The following TP63 variants were observed in gnomAD, a reference collection of about 807,000 sequenced individuals.
TP63 encodes tumor protein p63.
A neutral mutation model predicts 82.8 loss-of-function variants in TP63; 17 were observed. The observed-to-expected ratio is 0.21, with a 90% CI of 0.14 to 0.31. The LOEUF is 0.31. TP63 is among the 10% of genes least tolerant of loss of function. The pLI, the probability that TP63 is intolerant of heterozygous loss-of-function variation, is 1.00. For synonymous variants in TP63, 330 were observed against 321.7 expected (o/e 1.03, Z -0.28); for missense variants, 648 against 895.3 (o/e 0.72, Z 3.52).
chr3:189,825,744 C>T (rs1399760937), intron 4 of TP63, among the ~76,000 whole-genome samples: 1 of 152,192 alleles, frequency 6.6e-6, no homozygotes, highest in Non-Finnish European at 1.5e-5. Context: ...TTGTTTTTAA[C>T]AGCCATTGCT....
intron 1 of TP63, among the ~76,000 whole-genome samples, chr3:189,685,595 A>G (rs952935103): frequency 2.6e-5 from 4 of 152,116 alleles, no homozygotes; most frequent in South Asian, 2.1e-4. Context: ...ATATTTCCCA[A>G]ACTGGTTTGT....
chr3:189,676,978 C>G (rs1472649075), intron 1 of TP63, among the ~76,000 whole-genome samples: 1 of 151,744 alleles, frequency 6.6e-6, no homozygotes, highest in Non-Finnish European at 1.5e-5. Flanking sequence ...TCACTCTCTT[C>G]CAACCCTCCC....
chr3:189,794,116 C>T (rs959405431), intron 3 of TP63, among the ~76,000 whole-genome samples: 2 of 151,940 alleles, frequency 1.3e-5, no homozygotes, highest in Non-Finnish European at 2.9e-5. Flanking sequence ...TTTACTTATA[C>T]TTTTTGATTA....
At chr3:189,876,127 G>A (rs997519891) in intron 10 of TP63, among the ~76,000 whole-genome samples, 1 of 152,108 alleles carries the variant, frequency 6.6e-6, no homozygotes, top group African/African-American at 2.4e-5. Flanking sequence ...TCAGCATTGT[G>A]CAAGTTAATA....
At chr3:189,762,639 T>A (rs1206074863) in intron 3 of TP63, among the ~76,000 whole-genome samples, 1 of 152,234 alleles carries the variant, frequency 6.6e-6, no homozygotes, top group Non-Finnish European at 1.5e-5. Flanking sequence ...CATGTATCTT[T>A]ATAAGTAAGA....
intron 3 of TP63, among the ~76,000 whole-genome samples, chr3:189,785,462 A>G (rs1341670629): frequency 6.6e-6 from 1 of 152,076 alleles, no homozygotes; most frequent in Non-Finnish European, 1.5e-5. Flanking sequence ...ATAGAATTTT[A>G]TTACTGCTTT....
chr3:189,800,988 C>T (rs1055597599), intron 3 of TP63, among the ~76,000 whole-genome samples: 9 of 152,076 alleles, frequency 5.9e-5, no homozygotes, highest in Admixed American at 2.0e-4. Flanking sequence ...GTCATGGTAA[C>T]GAAAGCTTAT....
chr3:189,684,880 C>T (rs1028536931), intron 1 of TP63, among the ~76,000 whole-genome samples: 132 of 152,128 alleles, frequency 8.7e-4, no homozygotes, highest in African/African-American at 2.7e-3. Flanking sequence ...GATCCACCCG[C>T]CTTAGCCTCC....
intron 4 of TP63, among the ~76,000 whole-genome samples, chr3:189,822,567 T>G (rs4687097): frequency 0.22 from 33,912 of 152,168 alleles, 4,310 homozygotes; most frequent in Admixed American, 0.35. Flanking sequence ...ATGAGTAGTA[T>G]TTATCTTGTA....
chr3:189,629,391 T>C (rs1038851347), upstream of TP63, among the ~76,000 whole-genome samples: 1 of 151,870 alleles, frequency 6.6e-6, no homozygotes, highest in Non-Finnish European at 1.5e-5. Context: ...TCAAAAATAA[T>C]AAATAAATAA....
intron 3 of TP63, among the ~76,000 whole-genome samples, chr3:189,796,675 T>C (rs1421573038): frequency 6.6e-6 from 1 of 152,006 alleles, no homozygotes; most frequent in African/African-American, 2.4e-5. Context: ...TTAAAAGAAA[T>C]AAGTAGTTCA....
intron 4 of TP63, among the ~76,000 whole-genome samples, chr3:189,848,964 AC>A (rs1715289521): frequency 6.6e-6 from 1 of 151,940 alleles, no homozygotes; most frequent in African/African-American, 2.4e-5. Context: ...AGTCAGCCCC[AC>A]CCCCCAGCCT....
At chr3:189,672,165 T>C (rs1326167514) in intron 1 of TP63, among the ~76,000 whole-genome samples, 1 of 152,120 alleles carries the variant, frequency 6.6e-6, no homozygotes, top group Non-Finnish European at 1.5e-5. Flanking sequence ...CCCATAAATA[T>C]GTACAATTAT....
At chr3:189,893,864 A>G (rs1721258090) in intron 13 of TP63, among the ~76,000 whole-genome samples, 1 of 152,114 alleles carries the variant, frequency 6.6e-6, no homozygotes, top group Non-Finnish European at 1.5e-5. Flanking sequence ...TCTTCTAGTG[A>G]CTAGCCAGGT....
intron 1 of TP63, among the ~76,000 whole-genome samples, chr3:189,704,089 C>G (rs942888731): frequency 6.6e-6 from 1 of 152,244 alleles, no homozygotes; most frequent in Non-Finnish European, 1.5e-5. Flanking sequence ...CCTGTTTCCA[C>G]TTACTAACCA....
At chr3:189,748,065 A>G (rs1377274062) in intron 3 of TP63, among the ~76,000 whole-genome samples, 31 of 152,096 alleles carry the variant, frequency 2.0e-4, no homozygotes, top group Admixed American at 2.0e-3. Flanking sequence ...AATGATGGCT[A>G]TATATGACTA....
At chr3:189,834,718 T>A (rs951471224) in intron 4 of TP63, among the ~76,000 whole-genome samples, 3 of 151,846 alleles carry the variant, frequency 2.0e-5, no homozygotes, top group East Asian at 3.9e-4. Flanking sequence ...ATGAGAGAGT[T>A]TGGTGCTCTA....
intron 1 of TP63, among the ~76,000 whole-genome samples, chr3:189,695,092 C>T (rs564284283): frequency 6.6e-6 from 1 of 152,002 alleles, no homozygotes; most frequent in Admixed American, 6.6e-5. Flanking sequence ...TATTTTCTAT[C>T]TTCTTGAGGG....
chr3:189,864,884 G>T (rs1393857645), intron 5 of TP63, among the ~76,000 whole-genome samples: 1 of 152,132 alleles, frequency 6.6e-6, no homozygotes, highest in African/African-American at 2.4e-5. Flanking sequence ...GCGGGCACCT[G>T]TAGTCCCAGC....
Sources: gnomAD v4.1 joint callset for allele counts (sites outside exome capture counted in the v4.1 genomes callset) on GRCh38, gnomAD v4.1.1 for gene constraint, MANE v1.5 for transcripts, NCBI Gene and HGNC (gene_info 2026-07-23, HGNC 2026-07-21) for gene names.